CRACDL: variants seen among roughly 807,000 people sequenced by gnomAD.
CRACDL encodes the protein CRACD-like protein.
In CRACDL, 26 loss-of-function variants were observed where a neutral mutation model predicts 70.6. The ratio of observed to expected loss-of-function variants is 0.37; its 90% confidence interval spans 0.27 to 0.51. The LOEUF (loss-of-function observed/expected upper bound fraction) is 0.51, where lower values mean the gene tolerates loss of function less well. Ranked by LOEUF, CRACDL falls within the 20% of genes least tolerant of loss-of-function variation. The pLI is 0.94. For synonymous variants in CRACDL, 618 were observed against 615.2 expected, an observed-to-expected ratio of 1.00 and a Z score of -0.07; for missense variants, 1,283 against 1,376.9, an observed-to-expected ratio of 0.93 and a Z score of 1.08.
intron 1 of CRACDL, among the ~76,000 whole-genome samples, chr2:98,875,846 CT>C (rs1185806301): frequency 9.1e-4 from 138 of 152,352 alleles, no homozygotes; most frequent in African/African-American, 1.5e-3. Context: ...ACATTTGCCC[CT>C]GGTAGGCTGG....
In CRACDL at chr2:98,848,576, T is replaced by G. The variant is rs368983869; in HGVS notation, c.-10-1766A>C. 4.2e-4 allele frequency among the ~76,000 whole-genome samples: 64 copies of G among 152,334 alleles called. No homozygotes were observed. In the East Asian group the frequency reaches 8.1e-3, roughly 19 times the overall value. On this transcript the variant is annotated intron_variant, in intron 1 of 9. Coordinates refer to ENST00000397899, the MANE Select transcript of CRACDL (RefSeq NM_207362.3). ...GCAACTGCAAATTACTTATCAAGCA[T>G]GCAGCTATCACCTGAATTATCTCAT...
At chr2:98,861,346 C>A (rs1430550398) in intron 1 of CRACDL, among the ~76,000 whole-genome samples, 1 of 151,554 alleles carries the variant, frequency 6.6e-6, no homozygotes, top group African/African-American at 2.4e-5. Context: ...GTCTCAAAAA[C>A]AACAACAACA....
At chr2:98,906,473 G>T (rs1233262637) in intron 1 of CRACDL, among the ~76,000 whole-genome samples, 1 of 152,040 alleles carries the variant, frequency 6.6e-6, no homozygotes, top group African/African-American at 2.4e-5. Context: ...TGTTGATCAG[G>T]CTGGTCTCAA....
intron 1 of CRACDL, among the ~76,000 whole-genome samples, chr2:98,934,803 C>CA (rs1213583079): frequency 2.0e-5 from 3 of 152,140 alleles, no homozygotes; most frequent in Admixed American, 2.0e-4. Flanking sequence ...AAAACAAATA[C>CA]AAAAATCCCT....
chr2:98,932,251 G>A (rs191606320), intron 1 of CRACDL, among the ~76,000 whole-genome samples: 2 of 152,136 alleles, frequency 1.3e-5, no homozygotes, highest in South Asian at 2.1e-4. Flanking sequence ...ACACCAGGCC[G>A]GGCCGGCCTG....
chr2:98,926,165 A>G (rs1014329776), intron 1 of CRACDL, among the ~76,000 whole-genome samples: 2 of 152,214 alleles, frequency 1.3e-5, no homozygotes, highest in African/African-American at 2.4e-5. Flanking sequence ...TATAAATCAT[A>G]TCCTATTTTT....
intron 1 of CRACDL, among the ~76,000 whole-genome samples, chr2:98,893,404 C>T (rs1020129253): frequency 6.6e-6 from 1 of 152,174 alleles, no homozygotes; most frequent in Admixed American, 6.5e-5. Context: ...CTGCCTCAGC[C>T]TCCCAAGTAG....
chr2:98,840,356 A>G (rs933643400), intron 2 of CRACDL, among the ~76,000 whole-genome samples: 1 of 152,188 alleles, frequency 6.6e-6, no homozygotes, highest in East Asian at 1.9e-4. Context: ...CTGTGGTCCA[A>G]TAACATACTC....
chr2:98,802,457 C>T (rs1041075943), intron 7 of CRACDL, among the ~76,000 whole-genome samples: 4 of 152,080 alleles, frequency 2.6e-5, no homozygotes, highest in African/African-American at 9.7e-5. Flanking sequence ...TTCAGACCCA[C>T]ATTTGGCATT....
intron 1 of CRACDL, among the ~76,000 whole-genome samples, chr2:98,865,007 C>T (rs1000827802): frequency 6.6e-6 from 1 of 152,186 alleles, no homozygotes; most frequent in Non-Finnish European, 1.5e-5. Context: ...AAGAGGGATG[C>T]AATCTCATGG....
intron 1 of CRACDL, among the ~76,000 whole-genome samples, chr2:98,899,779 TCA>T (rs1708217687): frequency 1.3e-5 from 2 of 149,502 alleles, no homozygotes; most frequent in South Asian, 2.1e-4. Flanking sequence ...GGACAGAGGC[TCA>T]GCAGGAGGGG....
At chr2:98,909,915 C>G (rs758560155) in intron 1 of CRACDL, among the ~76,000 whole-genome samples, 4 of 152,122 alleles carry the variant, frequency 2.6e-5, no homozygotes, top group African/African-American at 9.7e-5. Context: ...GGGCTTGGGC[C>G]GCTTTCAAAA....
Position 98,823,726 on chromosome 2 carries a change from T to G in CRACDL, c.736-189A>C, listed in dbSNP as rs1335158879. Reference sequence around the variant, plus strand: ...CTACTGGTCTACTTGGGCTCACAAGTTTATCAGGACAATGGCAGATATGCC... The same window carrying G: ...CTACTGGTCTACTTGGGCTCACAAGGTTATCAGGACAATGGCAGATATGCC... On this transcript the variant is annotated intron_variant, in intron 6 of 9. Transcript: ENST00000397899. The surrounding 1 kb of genome is among the most constrained non-coding windows in gnomAD (Gnocchi z 4.0). Among the ~76,000 whole-genome samples the G allele has an allele frequency of 6.6e-6, 1 of 152,192 alleles. No individual in the cohort carries two copies. Among genetic ancestry groups the G allele is most frequent in the African/African-American group, 2.4e-5 (1 of 41,446 alleles).
intron 7 of CRACDL, among the ~76,000 whole-genome samples, chr2:98,816,644 C>T (rs138136145): frequency 5.9e-5 from 9 of 151,998 alleles, no homozygotes; most frequent in Middle Eastern, 3.4e-3. Context: ...GTGTCTTGCA[C>T]GAGGGGAAAT....
chr2:98,882,413 A>G (rs960937054), intron 1 of CRACDL, among the ~76,000 whole-genome samples: 4 of 152,218 alleles, frequency 2.6e-5, no homozygotes, highest in African/African-American at 9.6e-5. Context: ...CAGGTATGTG[A>G]CTGGTTTCAG....
intron 1 of CRACDL, among the ~76,000 whole-genome samples, chr2:98,883,250 G>A (rs1293055236): frequency 2.0e-5 from 3 of 152,206 alleles, no homozygotes; most frequent in African/African-American, 7.2e-5. Flanking sequence ...AAACAAAAGA[G>A]ACCACAAGAC....
At chr2:98,858,742 G>A (rs1467372442) in intron 1 of CRACDL, among the ~76,000 whole-genome samples, 5 of 151,966 alleles carry the variant, frequency 3.3e-5, no homozygotes, top group South Asian at 2.1e-4. Context: ...CAGACCTATC[G>A]CTCTACTAAC....
In CRACDL at chr2:98,854,279, C is replaced by CAA. The variant is rs1229198569; in HGVS notation, c.-10-7471_-10-7470dup. On this transcript the variant is annotated intron_variant, in intron 1 of 9. Coordinates refer to ENST00000397899, the MANE Select transcript of CRACDL (RefSeq NM_207362.3). ...CTGGTGAGAGAGTGAGACTCTGTCT[C>CAA]AAAAAAAAAAAAAAAAAAAAAGAAA... Among the ~76,000 whole-genome samples, 235 of 53,830 alleles carry CAA rather than the reference C, an allele frequency of 4.4e-3. 3 individuals carry two copies. Among genetic ancestry groups the CAA allele is most frequent in the East Asian group, 6.9e-3 (11 of 1,602 alleles). 35.3% of individuals were successfully genotyped at this position (53,830 alleles called of 152,430 possible). A position where few individuals can be genotyped will look rare whatever the true frequency, so the allele number is the denominator to read the frequency against.
intron 1 of CRACDL, among the ~76,000 whole-genome samples, chr2:98,889,104 G>C (rs1303768957): frequency 1.4e-5 from 2 of 145,842 alleles, no homozygotes; most frequent in Non-Finnish European, 3.0e-5. Context: ...CTCTAGCCTG[G>C]CAACACAGCA....
Sources: allele counts gnomAD v4.1 joint callset (sites outside exome capture counted in the v4.1 genomes callset), GRCh38; gene constraint gnomAD v4.1.1; non-coding constraint Gnocchi (gnomAD v3.1); transcripts MANE v1.5; gene names NCBI Gene and HGNC (gene_info 2026-07-23, HGNC 2026-07-21).